The following RGL2 variants were observed in gnomAD, a reference collection of about 807,000 sequenced individuals.
RGL2 encodes the protein ral guanine nucleotide dissociation stimulator like 2.
In RGL2, 40 loss-of-function variants were observed where a neutral mutation model predicts 84.6. The observed-to-expected ratio is 0.47, with a 90% CI of 0.37 to 0.62. The LOEUF is 0.62. RGL2 is among the 20% of genes least tolerant of loss of function. RGL2 has a pLI of 0.00. For missense variants in RGL2, 865 were observed against 1,019.7 expected (o/e 0.85, Z 2.07); for synonymous variants, 369 against 417.3 (o/e 0.88, Z 1.41).
At chr6:33,292,406 T>G (rs951185585) in intron 17 of RGL2, 24 bp downstream of exon 17, 1 of 1,598,082 alleles carries the variant, frequency 6.3e-7, no homozygotes, top group Non-Finnish European at 8.6e-7. Flanking sequence ...CTCCCGAGTC[T>G]GCCTTTCCCT....
chr6:33,296,102 G>T lies in RGL2; in HGVS notation c.694C>A (p.Pro232Thr), dbSNP rs769100907. 2 of 1,613,978 alleles carry T rather than the reference G, an allele frequency of 1.2e-6. No individual in the cohort carries two copies. The highest frequency in any genetic ancestry group is 1.1e-5 in the South Asian group (1 of 91,078). Residue 232 changes from proline to threonine, a missense_variant, in exon 6 of 18, where the codon CCC becomes ACC. Coordinates refer to ENST00000497454, the MANE Select transcript of RGL2 (RefSeq NM_004761.5). This position sits in a 1 kb window ranked among gnomAD's most constrained non-coding sequence, Gnocchi z 5.0. ...AGGACATCCGTGGGGTCAGCAGGGG[G>T]ATCGCCGGGGAGGGCCAGGGGCTTA... is the stretch of plus-strand genomic sequence containing the variant. Reference protein sequence around the residue: ...LPKPLALPGDPPADPTDVLVF... With the variant: ...LPKPLALPGDTPADPTDVLVF...
upstream of RGL2, chr6:33,300,013 G>A (rs1002103424): frequency 6.5e-6 from 1 of 153,936 alleles, no homozygotes; most frequent in African/African-American, 2.4e-5. Flanking sequence ...GCGGTCTGCG[G>A]GGAATGACGA....
Position 33,297,226 on chromosome 6 carries a change from G to A in RGL2, c.157-111C>T. The A allele has an allele frequency of 1.2e-6, 1 of 827,826 alleles. No individual in the cohort carries two copies. The highest frequency in any genetic ancestry group is 1.9e-6 in the Non-Finnish European group (1 of 529,618). 51.3% of individuals were successfully genotyped at this position (827,826 alleles called of 1,614,324 possible). On this transcript the variant is annotated intron_variant, in intron 2 of 17. Transcript: ENST00000497454. The surrounding 1 kb of genome is among the most constrained non-coding windows in gnomAD (Gnocchi z 4.0). Reference sequence around the variant, plus strand: ...CTGTACCCCTCACCTGTGGTGGCAGGGCATAGTACCAGCGAGTGCGAGGAA... The same window carrying A: ...CTGTACCCCTCACCTGTGGTGGCAGAGCATAGTACCAGCGAGTGCGAGGAA...
At position 33,296,857 on chromosome 6, in the gene RGL2, G is replaced by A. The variant is rs369945019; in HGVS notation, c.241-81C>T. 2.1e-4 allele frequency: 333 copies of A among 1,579,016 alleles called. 3 individuals are homozygous for A. In the African/African-American group the frequency reaches 3.7e-3, roughly 18 times the overall value. ...TCTGAGGACAATCCCAGACCCAGGA[G>A]ATGTTCCAGACTCATTTTTCTGATA... On this transcript the variant is annotated intron_variant, in intron 3 of 17. Coordinates refer to ENST00000497454, the MANE Select transcript of RGL2 (RefSeq NM_004761.5). This position sits in a 1 kb window ranked among gnomAD's most constrained non-coding sequence, Gnocchi z 5.0.
Position 33,295,184 on chromosome 6 carries a change from G to A in RGL2, c.1152C>T (p.Leu384=), listed in dbSNP as rs1767823017. 1 of 1,606,104 alleles carries A rather than the reference G, an allele frequency of 6.2e-7. No homozygotes were observed. Among genetic ancestry groups the A allele is most frequent in the African/African-American group, 1.3e-5 (1 of 74,830 alleles). ...TATCCTCCTCGGAGAAAATCTGGCAGAGGCTGGAAAAGACTCTGAGGCTGT... is the reference window on the plus strand; with the variant it reads ...TATCCTCCTCGGAGAAAATCTGGCAAAGGCTGGAAAAGACTCTGAGGCTGT... ...TRDSLRVFSS[L]CQIFSEEDNY... is the part of the protein sequence containing the mutation. The change falls in exon 9 of 18, where the codon CTC becomes CTT. Residue 384 remains leucine (L), a synonymous_variant. Coordinates refer to ENST00000497454, the MANE Select transcript of RGL2 (RefSeq NM_004761.5). The surrounding 1 kb of genome is among the most constrained non-coding windows in gnomAD (Gnocchi z 7.2).
chr6:33,299,389 G>A (rs1768345631), upstream of RGL2: 1 of 152,148 alleles, frequency 6.6e-6, no homozygotes, highest in Non-Finnish European at 1.5e-5. The surrounding 1 kb of genome is among the most constrained non-coding windows in gnomAD (Gnocchi z 5.0). Flanking sequence ...CCGAAATCCC[G>A]GCCGGGTTTT....
Position 33,298,737 on chromosome 6 carries a change from G to C in RGL2, c.-41-86C>G. The C allele has an allele frequency of 1.8e-6, 1 of 567,758 alleles. No individual in the cohort carries two copies. The highest frequency in any genetic ancestry group is 2.4e-5 in the South Asian group (1 of 40,930). 35.2% of individuals were successfully genotyped at this position (567,758 alleles called of 1,614,324 possible). On this transcript the variant is annotated intron_variant, in intron 1 of 17. Transcript: ENST00000497454. The surrounding 1 kb of genome is among the most constrained non-coding windows in gnomAD (Gnocchi z 4.8). ...GGGAAGGGACGTGGGTGGGTGTCAA[G>C]AAGACCGGAAGGGAGTTCTGCAGGA...
chr6:33,296,219 C>G lies in RGL2; in HGVS notation c.577G>C (p.Gly193Arg). 1.2e-6 allele frequency: 2 copies of G among 1,613,976 alleles called. No homozygotes were observed. The part of the protein sequence containing the change: ...DRLESFLLQT[G>R]YAAGKGVGGG... ...CCAACACCCTTCCCTGCTGCATACC[C>G]TGTCTGAAGTAAGAAGCTCTCAAGC... The change falls in exon 6 of 18, where the codon GGG becomes CGG. Residue 193 changes from glycine (G) to arginine (R), a missense_variant. Physicochemically the swap from Gly to Arg is moderately radical, Grantham distance 125. Transcript: ENST00000497454. This position sits in a 1 kb window ranked among gnomAD's most constrained non-coding sequence, Gnocchi z 5.0.
In RGL2 at chr6:33,292,016, A is replaced by C; in HGVS notation, c.*86T>G. On this transcript the variant is annotated 3_prime_UTR_variant, in exon 18 of 18. Transcript: ENST00000497454. Reference sequence around the variant, plus strand: ...GGCTCCCTTTCTGAATTTCTGTCTCAATGTGATATAATTGCCACCATTCAG... The same window carrying C: ...GGCTCCCTTTCTGAATTTCTGTCTCCATGTGATATAATTGCCACCATTCAG... 1 of 1,425,578 alleles carries C rather than the reference A, an allele frequency of 7.0e-7. No individual in the cohort carries two copies. The highest frequency in any genetic ancestry group is 9.9e-7 in the Non-Finnish European group (1 of 1,015,012). 88.3% of individuals were successfully genotyped at this position (1,425,578 alleles called of 1,614,324 possible).
chr6:33,295,292 C>T lies in RGL2; in HGVS notation c.1124+27G>A. The T allele has an allele frequency of 4.5e-6, 7 of 1,560,678 alleles. No homozygotes were observed. The highest frequency in any genetic ancestry group is 2.3e-5 in the South Asian group (2 of 85,510). ...TCCCCGCCTTCTGAGGAACCCCCAC[C>T]CCAGTCCAATGCCTCAGCCTCCGCA... On this transcript the variant is annotated intron_variant, in intron 8 of 17. Coordinates refer to ENST00000497454, the MANE Select transcript of RGL2 (RefSeq NM_004761.5). The surrounding 1 kb of genome is among the most constrained non-coding windows in gnomAD (Gnocchi z 7.2).
Position 33,298,300 on chromosome 6 carries a change from G to A in RGL2, c.156+155C>T. 1 of 563,504 alleles carries A rather than the reference G, an allele frequency of 1.8e-6. No homozygotes were observed. Among genetic ancestry groups the A allele is most frequent in the Non-Finnish European group, 3.2e-6 (1 of 312,540 alleles). 34.9% of individuals were successfully genotyped at this position (563,504 alleles called of 1,614,324 possible). A position where few individuals can be genotyped will look rare whatever the true frequency, so the allele number is the denominator to read the frequency against. On this transcript the variant is annotated intron_variant, in intron 2 of 17. Coordinates refer to ENST00000497454, the MANE Select transcript of RGL2 (RefSeq NM_004761.5). The surrounding 1 kb of genome is among the most constrained non-coding windows in gnomAD (Gnocchi z 4.8). Reference sequence around the variant, plus strand: ...CACACTGACAGAGAACCACGGAGACGCCAGGACTCCCCGCAGCAGAGAAAC... The same window carrying A: ...CACACTGACAGAGAACCACGGAGACACCAGGACTCCCCGCAGCAGAGAAAC...
intron 16 of RGL2, 62 bp downstream of exon 16, chr6:33,292,954 C>G: frequency 6.3e-7 from 1 of 1,597,422 alleles, no homozygotes; most frequent in African/African-American, 1.3e-5. Context: ...AAACCTCAGA[C>G]AACATTTATA....
In RGL2 at chr6:33,295,782, T is replaced by A; in HGVS notation, c.769-23A>T. On this transcript the variant is annotated intron_variant, in intron 6 of 17. Coordinates refer to ENST00000497454, the MANE Select transcript of RGL2 (RefSeq NM_004761.5). This position sits in a 1 kb window ranked among gnomAD's most constrained non-coding sequence, Gnocchi z 7.2. Reference sequence around the variant, plus strand: ...TTCCTGCAGGGTAGAGGTCAGAGGTTAAAGTTCATAGTCAAGTGAGGTCAG... The same window carrying A: ...TTCCTGCAGGGTAGAGGTCAGAGGTAAAAGTTCATAGTCAAGTGAGGTCAG... 6.2e-7 allele frequency: 1 copy of A among 1,605,326 alleles called. No individual in the cohort carries two copies.
At position 33,298,668 on chromosome 6, in the gene RGL2, TG is replaced by T; in HGVS notation, c.-41-18del. ...TGGGGGCGCCTGGGGAGAGACGGGG[TG>T]GGGTGGGGGTGGAGAGTCAGGCAGG... On this transcript the variant is annotated intron_variant, in intron 1 of 17. Transcript: ENST00000497454. The surrounding 1 kb of genome is among the most constrained non-coding windows in gnomAD (Gnocchi z 4.8). The T allele has an allele frequency of 4.3e-6, 2 of 465,942 alleles. No homozygotes were observed. The highest frequency in any genetic ancestry group is 5.6e-5 in the Admixed American group (1 of 17,708). 28.9% of individuals were successfully genotyped at this position (465,942 alleles called of 1,614,324 possible). A position where few individuals can be genotyped will look rare whatever the true frequency, so the allele number is the denominator to read the frequency against.
Position 33,296,184 on chromosome 6 carries a change from G to A in RGL2, c.612C>T (p.Ser204=), listed in dbSNP as rs140521012. The part of the protein sequence containing the change: ...YAAGKGVGGG[S]ADLIRNLRSR... ...ACCGGAGATTGCGGATGAGGTCAGC[G>A]CTGCCCCCCCCAACACCCTTCCCTG... The change falls in exon 6 of 18, where the codon AGC becomes AGT. Residue 204 remains serine (S), a synonymous_variant. Coordinates refer to ENST00000497454, the MANE Select transcript of RGL2 (RefSeq NM_004761.5). The surrounding 1 kb of genome is among the most constrained non-coding windows in gnomAD (Gnocchi z 5.0). 1,844 of 1,613,886 alleles carry A rather than the reference G, an allele frequency of 1.1e-3. 6 individuals carry two copies. The highest frequency in any genetic ancestry group is 4.8e-3 in the Middle Eastern group (29 of 6,062).
In RGL2 at chr6:33,292,258, G is replaced by A. The variant is rs150821437; in HGVS notation, c.2178C>T (p.His726=). The A allele has an allele frequency of 3.8e-5, 61 of 1,614,166 alleles. 1 individual carries two copies. Among genetic ancestry groups the A allele is most frequent in the East Asian group, 4.5e-5 (2 of 44,890 alleles). ...TTCGCCGCTGCCGCAGGAGGAAATC[G>A]TGTGAAGCTCCATCCATGGCGTAGA... ...NVFYAMDGAS[H]DFLLRQRRRS... is the part of the protein sequence containing the mutation. The change falls in exon 18 of 18, where the codon CAC becomes CAT. Residue 726 remains histidine (H), a synonymous_variant. Coordinates refer to ENST00000497454, the MANE Select transcript of RGL2 (RefSeq NM_004761.5).
upstream of RGL2, chr6:33,299,656 T>G (rs1038038307): frequency 6.6e-6 from 1 of 152,262 alleles, no homozygotes; most frequent in African/African-American, 2.4e-5. This position sits in a 1 kb window ranked among gnomAD's most constrained non-coding sequence, Gnocchi z 5.0. Context: ...GATTGGAATA[T>G]TCATTGAGCT....
rs1767428864 is a variant in RGL2, at chr6:33,291,946, C to T, written c.*156G>A. ...CCAGTTCCCACAGGGCTGGATTTCT[C>T]AGCTGTCTGGTAAACCAGTGGCACT... On this transcript the variant is annotated 3_prime_UTR_variant, in exon 18 of 18. Coordinates refer to ENST00000497454, the MANE Select transcript of RGL2 (RefSeq NM_004761.5). 2.6e-6 allele frequency: 2 copies of T among 767,494 alleles called. No individual in the cohort carries two copies. Among genetic ancestry groups the T allele is most frequent in the Non-Finnish European group, 4.2e-6 (2 of 471,278 alleles). 47.5% of individuals were successfully genotyped at this position (767,494 alleles called of 1,614,324 possible).
Position 33,296,353 on chromosome 6 carries a change from A to C in RGL2, c.471-28T>G. 1.9e-6 allele frequency: 3 copies of C among 1,606,072 alleles called. No individual in the cohort carries two copies. Among genetic ancestry groups the C allele is most frequent in the Non-Finnish European group, 2.6e-6 (3 of 1,175,452 alleles). ...GGGAGAAGGGAATCAGCCAAGGGTG[A>C]GAGGTAAAGCTGCAGCCTGGGCAGA... On this transcript the variant is annotated intron_variant, in intron 5 of 17. Coordinates refer to ENST00000497454, the MANE Select transcript of RGL2 (RefSeq NM_004761.5). The surrounding 1 kb of genome is among the most constrained non-coding windows in gnomAD (Gnocchi z 5.0).
Sources: gnomAD v4.1 joint callset for allele counts on GRCh38, gnomAD v4.1.1 for gene constraint, Gnocchi (gnomAD v3.1) non-coding constraint, MANE v1.5 for transcripts, NCBI Gene and HGNC (gene_info 2026-07-23, HGNC 2026-07-21) for gene names.